Variants in TNPO1 observed in about 807,000 individuals in gnomAD.
TNPO1 encodes the protein transportin 1.
A neutral mutation model predicts 119.5 loss-of-function variants in TNPO1; 8 were observed. The observed-to-expected ratio is 0.07, with a 90% CI of 0.04 to 0.12. The LOEUF (loss-of-function observed/expected upper bound fraction) is 0.12, where lower values mean the gene tolerates loss of function less well. Among genes scored for constraint, TNPO1 ranks in the 10% least tolerant of loss-of-function variants. TNPO1 has a pLI of 1.00. For missense variants in TNPO1, 576 were observed against 1,089.8 expected, an observed-to-expected ratio of 0.53 and a Z score of 6.64; for synonymous variants, 362 against 363.0, an observed-to-expected ratio of 1.00 and a Z score of 0.03.
intron 11 of TNPO1, among the ~76,000 whole-genome samples, chr5:72,886,810 A>C (rs1748675484): frequency 6.7e-6 from 1 of 149,208 alleles, no homozygotes; most frequent in South Asian, 2.1e-4. Flanking sequence ...AATCACTTGA[A>C]CCTGGGAGGC....
In TNPO1 at chr5:72,908,832, A is replaced by T. The variant is rs992720267; in HGVS notation, c.*159A>T. Reference sequence around the variant, plus strand: ...TCCCAACCCTACTGGGAGGGGCGGGAGGGAGGTGTTGCCGTCACTGTATTA... The same window carrying T: ...TCCCAACCCTACTGGGAGGGGCGGGTGGGAGGTGTTGCCGTCACTGTATTA... On this transcript the variant is annotated 3_prime_UTR_variant, in exon 25 of 25. Transcript: ENST00000337273. 2.3e-6 allele frequency: 1 copy of T among 444,230 alleles called. No individual in the cohort carries two copies. Among genetic ancestry groups the T allele is most frequent in the African/African-American group, 2.0e-5 (1 of 49,326 alleles). The allele number at this position is 444,230 out of a possible 1,614,324, so 27.5% of individuals were successfully genotyped here.
intron 18 of TNPO1, among the ~76,000 whole-genome samples, chr5:72,894,859 A>T (rs1749308638): frequency 6.6e-6 from 1 of 151,312 alleles, no homozygotes; most frequent in Admixed American, 6.6e-5. Context: ...TGGGAAGCTT[A>T]TCATTCTCAT....
At chr5:72,838,490 A>G (rs893569595) in intron 1 of TNPO1, among the ~76,000 whole-genome samples, 10 of 152,150 alleles carry the variant, frequency 6.6e-5, no homozygotes, top group African/African-American at 2.4e-4. Context: ...ACAATTTCAG[A>G]TGTGTTTCAC....
intron 4 of TNPO1, among the ~76,000 whole-genome samples, chr5:72,859,160 A>G (rs1746238409): frequency 6.6e-6 from 1 of 152,058 alleles, no homozygotes; most frequent in Non-Finnish European, 1.5e-5. Context: ...AAGTACTCTG[A>G]CTCTACATTA....
chr5:72,907,551 A>G lies in TNPO1; in HGVS notation c.*36-1158A>G, dbSNP rs73762229. On this transcript the variant is annotated intron_variant, in intron 24 of 24. Coordinates refer to ENST00000337273, the MANE Select transcript of TNPO1 (RefSeq NM_002270.4). ...AAAACTTGGCATGATTGGGTAGTAG[A>G]GTTCTGTTTGTAAAAGGACCACTAT... Among the ~76,000 whole-genome samples the G allele has an allele frequency of 9.1e-3, 1,384 of 152,322 alleles. 23 individuals carry two copies. The highest frequency in any genetic ancestry group is 0.032 in the African/African-American group (1,326 of 41,558).
intron 1 of TNPO1, among the ~76,000 whole-genome samples, chr5:72,845,662 A>G (rs1460829425): frequency 2.0e-5 from 3 of 152,224 alleles, no homozygotes; most frequent in African/African-American, 7.2e-5. Flanking sequence ...AGGTGTGGGG[A>G]AACACCTATT....
At chr5:72,881,339 G>C (rs1437386531) in intron 9 of TNPO1, among the ~76,000 whole-genome samples, 1 of 152,078 alleles carries the variant, frequency 6.6e-6, no homozygotes, top group African/African-American at 2.4e-5. Flanking sequence ...TCGAACTCCT[G>C]ACCTCGTGAT....
At chr5:72,822,125 C>T (rs138437678) in intron 1 of TNPO1, among the ~76,000 whole-genome samples, 4 of 152,134 alleles carry the variant, frequency 2.6e-5, no homozygotes, top group Middle Eastern at 6.8e-3. Context: ...AGATATGAAA[C>T]GAATCTAGAA....
At chr5:72,828,078 G>T (rs1438435541) in intron 1 of TNPO1, among the ~76,000 whole-genome samples, 1 of 152,106 alleles carries the variant, frequency 6.6e-6, no homozygotes, top group Non-Finnish European at 1.5e-5. Flanking sequence ...TGAATAGAAG[G>T]GGGTCTAGGA....
intron 11 of TNPO1, among the ~76,000 whole-genome samples, chr5:72,885,227 C>G (rs927127727): frequency 2.0e-5 from 3 of 152,118 alleles, no homozygotes; most frequent in African/African-American, 7.2e-5. Flanking sequence ...AGAGATATAC[C>G]CAAGGTTAGC....
Position 72,836,904 on chromosome 5 carries a change from A to G in TNPO1, c.16-11481A>G, listed in dbSNP as rs1179504501. Among the ~76,000 whole-genome samples, 6 of 152,158 alleles carry G rather than the reference A, an allele frequency of 3.9e-5. No homozygotes were observed. The East Asian group carries it at 1.2e-3, about 29-fold the overall frequency. Reference sequence around the variant, plus strand: ...AGAATGGCCTTTCCTCTAGTTTCCAATAACATATTCCTCGTTTCTGTCTCA... The same window carrying G: ...AGAATGGCCTTTCCTCTAGTTTCCAGTAACATATTCCTCGTTTCTGTCTCA... On this transcript the variant is annotated intron_variant, in intron 1 of 24. Coordinates refer to ENST00000337273, the MANE Select transcript of TNPO1 (RefSeq NM_002270.4).
chr5:72,859,961 G>A (rs1484953096), intron 4 of TNPO1, among the ~76,000 whole-genome samples: 3 of 152,140 alleles, frequency 2.0e-5, no homozygotes, highest in African/African-American at 4.8e-5. Flanking sequence ...TTGCAGGAAC[G>A]ATCAGATCTT....
chr5:72,908,130 C>A (rs548199849), intron 24 of TNPO1, among the ~76,000 whole-genome samples: 1 of 152,244 alleles, frequency 6.6e-6, no homozygotes, highest in East Asian at 1.9e-4. Flanking sequence ...TTGATACTTA[C>A]TGAATGTAGT....
chr5:72,897,336 T>C (rs1280450427), intron 20 of TNPO1, among the ~76,000 whole-genome samples, 185 bp downstream of exon 20: 1 of 152,188 alleles, frequency 6.6e-6, no homozygotes, highest in Non-Finnish European at 1.5e-5. Flanking sequence ...TTTTCAGTGG[T>C]TATATATTCA....
intron 3 of TNPO1, among the ~76,000 whole-genome samples, chr5:72,855,542 A>C (rs747231376): frequency 2.6e-5 from 4 of 152,276 alleles, no homozygotes; most frequent in South Asian, 2.1e-4. Flanking sequence ...TAACATCTTA[A>C]AATGCACAGG....
intron 11 of TNPO1, among the ~76,000 whole-genome samples, chr5:72,886,057 C>T (rs1748600625): frequency 6.6e-6 from 1 of 151,920 alleles, no homozygotes; most frequent in East Asian, 1.9e-4. Context: ...ACCTAATCAT[C>T]TCTTGATAGG....
At chr5:72,819,128 A>T (rs1330964238) in intron 1 of TNPO1, among the ~76,000 whole-genome samples, 1 of 152,190 alleles carries the variant, frequency 6.6e-6, no homozygotes, top group Non-Finnish European at 1.5e-5. Context: ...ATAAGAAGCA[A>T]GGCGCCGCCA....
At chr5:72,826,474 T>C (rs1744209874) in intron 1 of TNPO1, among the ~76,000 whole-genome samples, 1 of 152,200 alleles carries the variant, frequency 6.6e-6, no homozygotes, top group Non-Finnish European at 1.5e-5. Flanking sequence ...CTGTTTATTG[T>C]CCTCCTCCTC....
Position 72,848,453 on chromosome 5 carries a change from G to A in TNPO1, c.84G>A (p.Lys28=), listed in dbSNP as rs767107877. The change falls in exon 2 of 25, where the codon AAG becomes AAA. Residue 28 remains lysine, a synonymous_variant. Coordinates refer to ENST00000337273, the MANE Select transcript of TNPO1 (RefSeq NM_002270.4). ...QGLQQILQLL[K]ESQSPDTTIQ... is the part of the protein sequence containing the mutation. ...TTCAGCAAATCCTGCAGCTGTTGAA[G>A]GAGTCCCAGTCCCCAGACACCACCA... 1.1e-5 allele frequency: 17 copies of A among 1,612,226 alleles called. No individual in the cohort carries two copies. The Admixed American group carries it at 2.7e-4, about 25-fold the overall frequency.
Sources: allele counts gnomAD v4.1 joint callset (sites outside exome capture counted in the v4.1 genomes callset), GRCh38; gene constraint gnomAD v4.1.1; transcripts MANE v1.5; gene names NCBI Gene and HGNC (gene_info 2026-07-23, HGNC 2026-07-21).